The following UBR1 variants were observed in gnomAD, a reference collection of about 807,000 sequenced individuals.
UBR1 encodes the protein ubiquitin protein ligase E3 component n-recognin 1.
A neutral mutation model predicts 242.1 loss-of-function variants in UBR1; 102 were observed. The ratio of observed to expected loss-of-function variants is 0.42; its 90% CI spans 0.36 to 0.50. UBR1 has a LOEUF of 0.50. Ranked by LOEUF, UBR1 falls within the 20% of genes least tolerant of loss-of-function variation. The pLI, the probability that UBR1 is intolerant of heterozygous loss-of-function variation, is 0.01. For missense variants in UBR1, 1,772 were observed against 2,101.8 expected, an observed-to-expected ratio of 0.84 and a Z score of 3.07; for synonymous variants, 675 against 684.8, an observed-to-expected ratio of 0.99 and a Z score of 0.22.
At chr15:43,008,554 T>C (rs1217203297) in intron 29 of UBR1, among the ~76,000 whole-genome samples, 2 of 152,198 alleles carry the variant, frequency 1.3e-5, no homozygotes, top group Non-Finnish European at 2.9e-5. Context: ...TTGTGGATGA[T>C]ATGTTGATGG....
intron 12 of UBR1, among the ~76,000 whole-genome samples, chr15:43,051,948 T>C (rs928788177): frequency 2.0e-5 from 3 of 152,196 alleles, no homozygotes; most frequent in Admixed American, 6.5e-5. Context: ...TGTTCCTCAA[T>C]AGCACCAAGG....
At chr15:42,977,412 C>T (rs1235915687) in intron 38 of UBR1, among the ~76,000 whole-genome samples, 3 of 152,264 alleles carry the variant, frequency 2.0e-5, no homozygotes, top group East Asian at 1.9e-4. Flanking sequence ...ATGAGATCAT[C>T]ACAGGAATGG....
Position 43,022,784 on chromosome 15 carries a change from T to A in UBR1, c.2757A>T (p.Ala919=), listed in dbSNP as rs866362589. 1 of 1,611,578 alleles carries A rather than the reference T, an allele frequency of 6.2e-7. No individual in the cohort carries two copies. ...GTTGCTTCTCTTCTAGTAAACCCAA[T>A]GCCAGAATATGAAAAGCCTGAAGGA... ...GMLQMAFHIL[A]LGLLEEKQQL... The change falls in exon 26 of 47, where the codon GCA becomes GCT. Residue 919 remains alanine, a synonymous_variant. Coordinates refer to ENST00000290650, the MANE Select transcript of UBR1 (RefSeq NM_174916.3).
At chr15:43,098,207 C>G (rs2034182909) in intron 1 of UBR1, among the ~76,000 whole-genome samples, 1 of 152,104 alleles carries the variant, frequency 6.6e-6, no homozygotes, top group African/African-American at 2.4e-5. Flanking sequence ...ACAAACACAG[C>G]TTTTTTTATT....
At chr15:43,002,814 T>A in intron 31 of UBR1, 110 bp from the exon 32 acceptor site, 1 of 1,347,544 alleles carries the variant, frequency 7.4e-7, no homozygotes, top group Non-Finnish European at 1.0e-6. Context: ...TTTGCCCCAA[T>A]AAACATCTTT....
chr15:42,988,873 G>T lies in UBR1; in HGVS notation c.3943C>A (p.Pro1315Thr). ...CTCCAGGTCAGCATGGGGACTCGAG[G>T]ATCCCTTTCATCAGGTGGCACTTTC... Reference protein sequence around the residue: ...GLKVPPDERDPRVPMLTWSTC... With the variant: ...GLKVPPDERDTRVPMLTWSTC... Residue 1315 changes from proline (P) to threonine (T), a missense_variant, in exon 35 of 47, where the codon CCT (proline) becomes ACT (threonine). By Grantham distance (38) the Pro-to-Thr change is conservative. Coordinates refer to ENST00000290650, the MANE Select transcript of UBR1 (RefSeq NM_174916.3). 1 of 1,614,206 alleles carries T rather than the reference G, an allele frequency of 6.2e-7. No individual in the cohort carries two copies.
intron 25 of UBR1, 122 bp downstream of exon 25, chr15:43,024,707 T>C (rs2141305297): frequency 7.2e-7 from 1 of 1,392,082 alleles, no homozygotes; most frequent in East Asian, 2.3e-5. Flanking sequence ...AAGCTATTTT[T>C]AATGACCCCT....
intron 25 of UBR1, among the ~76,000 whole-genome samples, chr15:43,024,051 G>T (rs2033146589): frequency 6.6e-6 from 1 of 152,154 alleles, no homozygotes; most frequent in Non-Finnish European, 1.5e-5. Flanking sequence ...AATGTGCAAT[G>T]ATTTCCAGAA....
At chr15:43,007,436 T>C in intron 29 of UBR1, 152 bp from the exon 30 acceptor site, 1 of 771,266 alleles carries the variant, frequency 1.3e-6, no homozygotes, top group Non-Finnish European at 2.1e-6. Flanking sequence ...AGCTTCCCCC[T>C]TTCCTTTGTG....
intron 25 of UBR1, among the ~76,000 whole-genome samples, chr15:43,023,808 T>C (rs2033142988): frequency 6.6e-6 from 1 of 152,108 alleles, no homozygotes; most frequent in Non-Finnish European, 1.5e-5. Flanking sequence ...GAGGCCAATT[T>C]GAAAACATCT....
intron 5 of UBR1, 66 bp downstream of exon 5, chr15:43,070,729 C>G: frequency 1.2e-6 from 2 of 1,600,920 alleles, no homozygotes; most frequent in Admixed American, 1.7e-5. Flanking sequence ...AAACAATTAT[C>G]AAACACACAT....
intron 5 of UBR1, among the ~76,000 whole-genome samples, chr15:43,070,385 G>A (rs757786069): frequency 4.6e-5 from 7 of 151,744 alleles, no homozygotes; most frequent in Non-Finnish European, 8.8e-5. Flanking sequence ...CTAAAAACCC[G>A]GGCTAAATGG....
chr15:43,092,316 A>C (rs2034114430), intron 1 of UBR1, among the ~76,000 whole-genome samples: 1 of 152,186 alleles, frequency 6.6e-6, no homozygotes, highest in South Asian at 2.1e-4. Flanking sequence ...GGCAGTACTC[A>C]TTCTGTACTT....
intron 26 of UBR1, among the ~76,000 whole-genome samples, 179 bp downstream of exon 26, chr15:43,022,523 G>A (rs1442164080): frequency 1.3e-5 from 2 of 151,716 alleles, no homozygotes; most frequent in Non-Finnish European, 2.9e-5. Flanking sequence ...TAGTATACTT[G>A]AAAATATTAG....
intron 3 of UBR1, among the ~76,000 whole-genome samples, chr15:43,076,821 A>G (rs1424926147): frequency 9.3e-6 from 1 of 107,066 alleles, no homozygotes; most frequent in South Asian, 3.8e-4. Context: ...CCGGGAGGTG[A>G]GGGGCGCCTC....
intron 23 of UBR1, 163 bp downstream of exon 23, chr15:43,026,398 T>C: frequency 1.7e-6 from 1 of 605,854 alleles, no homozygotes; most frequent in Non-Finnish European, 2.9e-6. Context: ...ATATTGCCTG[T>C]ATACTAGATA....
intron 39 of UBR1, among the ~76,000 whole-genome samples, chr15:42,973,813 C>A (rs751470188): frequency 1.3e-5 from 2 of 151,352 alleles, no homozygotes; most frequent in Non-Finnish European, 2.9e-5. Context: ...ACAGATTATG[C>A]CTTTGGTTTT....
At chr15:43,094,042 A>G (rs937485885) in intron 1 of UBR1, among the ~76,000 whole-genome samples, 1 of 152,070 alleles carries the variant, frequency 6.6e-6, no homozygotes, top group African/African-American at 2.4e-5. Flanking sequence ...CCACTCTCCA[A>G]CTTGATTACC....
At chr15:43,063,899 G>A (rs1347996419) in intron 6 of UBR1, among the ~76,000 whole-genome samples, 6 of 152,084 alleles carry the variant, frequency 3.9e-5, no homozygotes, top group African/African-American at 1.2e-4. Flanking sequence ...ACCACGCCTG[G>A]CTAATTTTGT....
Sources: allele counts gnomAD v4.1 joint callset (sites outside exome capture counted in the v4.1 genomes callset), GRCh38; gene constraint gnomAD v4.1.1; transcripts MANE v1.5; gene names NCBI Gene and HGNC (gene_info 2026-07-23, HGNC 2026-07-21).